The following ZNF618 variants were observed in gnomAD, a reference collection of about 807,000 sequenced individuals.
The protein encoded by ZNF618 is neural precursor cell expressed, developmentally down-regulated 10.
A neutral mutation model predicts 103.0 loss-of-function variants in ZNF618; 34 were observed. That is an observed-to-expected ratio of 0.33 (90% CI 0.25 to 0.44). The LOEUF (loss-of-function observed/expected upper bound fraction) is 0.44, where lower values mean the gene tolerates loss of function less well. ZNF618 is among the 20% of genes least tolerant of loss of function. ZNF618 has a pLI of 1.00. For missense variants in ZNF618, 1,059 were observed against 1,295.4 expected, an observed-to-expected ratio of 0.82 and a Z score of 2.80; for synonymous variants, 551 against 542.2, an observed-to-expected ratio of 1.02 and a Z score of -0.23.
intron 10 of ZNF618, among the ~76,000 whole-genome samples, chr9:114,026,300 G>A (rs79564043): frequency 0.092 from 14,005 of 152,200 alleles, 780 homozygotes; most frequent in African/African-American, 0.15. Flanking sequence ...GGTCCCAAGC[G>A]GGGTGGTCAG....
chr9:114,002,549 CT>C (rs1233344141), intron 5 of ZNF618, 74 bp from the exon 6 acceptor site: 1 of 1,509,172 alleles, frequency 6.6e-7, no homozygotes, highest in East Asian at 2.3e-5. Flanking sequence ...CTTCCATGTT[CT>C]CTTTTGCACT....
At position 113,986,754 on chromosome 9, in the gene ZNF618, G is replaced by T. The variant is rs11791928; in HGVS notation, c.78-1567G>T. The stretch of plus-strand genomic sequence containing the variant: ...AGTTCAGTCCATAGCACCTCCCCAT[G>T]GCCTTCCTCTGTCCTCTCCTCATTA... On this transcript the variant is annotated intron_variant, in intron 2 of 14. Coordinates refer to ENST00000374126, the MANE Select transcript of ZNF618 (RefSeq NM_001318042.2). Among the ~76,000 whole-genome samples the T allele has an allele frequency of 2.6e-3, 398 of 152,258 alleles. 2 individuals are homozygous for T. The highest frequency in any genetic ancestry group is 6.0e-3 in the South Asian group (29 of 4,826).
chr9:114,006,557 T>A (rs1841774857), intron 6 of ZNF618, among the ~76,000 whole-genome samples: 1 of 152,188 alleles, frequency 6.6e-6, no homozygotes, highest in South Asian at 2.1e-4. Context: ...TCATCCAAAC[T>A]CCAACCTCAT....
chr9:114,044,118 C>T (rs1845451353), intron 13 of ZNF618, among the ~76,000 whole-genome samples: 1 of 152,124 alleles, frequency 6.6e-6, no homozygotes, highest in Non-Finnish European at 1.5e-5. Flanking sequence ...AGTTCTTTGC[C>T]TAAGCTAATG....
chr9:114,049,275 T>C lies in ZNF618; in HGVS notation c.1973T>C (p.Met658Thr). 1 of 1,612,562 alleles carries C rather than the reference T, an allele frequency of 6.2e-7. No individual in the cohort carries two copies. Among genetic ancestry groups the C allele is most frequent in the Non-Finnish European group, 8.5e-7 (1 of 1,179,676 alleles). ...AAGCGGACACTGCAGGCCCGCAGCATGCACGAGGTCATCGAGCTGCTCAAC... is the reference window on the plus strand; with the variant it reads ...AAGCGGACACTGCAGGCCCGCAGCACGCACGAGGTCATCGAGCTGCTCAAC... ...LSKRTLQARS[M>T]HEVIELLNVC... is the part of the protein sequence containing the mutation. The change falls in exon 15 of 15, where the codon ATG becomes ACG. Residue 658 changes from methionine to threonine, a missense_variant. By Grantham distance (81) the Met-to-Thr change is moderately conservative. This residue lies in a region of ZNF618 where 272 missense variants were observed against 380.1 expected (regional missense o/e 0.72). Coordinates refer to ENST00000374126, the MANE Select transcript of ZNF618 (RefSeq NM_001318042.2).
intron 1 of ZNF618, among the ~76,000 whole-genome samples, chr9:113,925,572 T>G (rs1833018812): frequency 6.6e-6 from 1 of 152,090 alleles, no homozygotes; most frequent in Non-Finnish European, 1.5e-5. Flanking sequence ...TTTGTTGCCC[T>G]TGTTCTTTGT....
intron 13 of ZNF618, among the ~76,000 whole-genome samples, chr9:114,038,889 C>T (rs1323744272): frequency 6.6e-6 from 1 of 152,214 alleles, no homozygotes; most frequent in Non-Finnish European, 1.5e-5. Flanking sequence ...TATCCAATAG[C>T]ATTTGAGCTT....
rs746541860 is a variant in ZNF618 at position 114,049,477 on chromosome 9, G to C, written c.2175G>C (p.Gln725His). The change falls in exon 15 of 15, where the codon CAG becomes CAC. Residue 725 changes from glutamine to histidine, a missense_variant. Around this residue, in one of 6 missense-constraint regions of ZNF618, gnomAD observed 272 missense variants for 380.1 expected, o/e 0.72. Transcript: ENST00000374126. ...GGGCCAAGAAGATGAACCTCATCCA[G>C]AGCCTCAACAAGCACCTGCTCAGCA... ...YSRAKKMNLI[Q>H]SLNKHLLSNL... is the part of the protein sequence containing the mutation. 3 of 1,612,470 alleles carry C rather than the reference G, an allele frequency of 1.9e-6. No individual in the cohort carries two copies. The highest frequency in any genetic ancestry group is 1.7e-6 in the Non-Finnish European group (2 of 1,179,332).
At chr9:114,035,018 C>CTCTGTG (rs1358080653) in intron 12 of ZNF618, among the ~76,000 whole-genome samples, 2 of 152,214 alleles carry the variant, frequency 1.3e-5, no homozygotes, top group African/African-American at 4.8e-5. Context: ...AAGGCATGGC[C>CTCTGTG]TCTGTGTCAA....
At chr9:114,001,894 T>A in intron 4 of ZNF618, 102 bp from the exon 5 acceptor site, 1 of 1,006,914 alleles carries the variant, frequency 9.9e-7, no homozygotes, top group Non-Finnish European at 1.6e-6. Context: ...TCTCTGCCCC[T>A]GGGACAGAGA....
intron 12 of ZNF618, among the ~76,000 whole-genome samples, chr9:114,034,077 C>T (rs1844356025): frequency 6.6e-6 from 1 of 152,178 alleles, no homozygotes; most frequent in African/African-American, 2.4e-5. Flanking sequence ...CACACAGCCC[C>T]GTGGTGGTTG....
intron 1 of ZNF618, among the ~76,000 whole-genome samples, chr9:113,901,776 C>T (rs1015057132): frequency 6.6e-6 from 1 of 152,148 alleles, no homozygotes; most frequent in African/African-American, 2.4e-5. Flanking sequence ...TGTTCTCTCT[C>T]CTGCTGCCTC....
chr9:113,967,057 A>G (rs1422492267), intron 1 of ZNF618, among the ~76,000 whole-genome samples: 1 of 152,182 alleles, frequency 6.6e-6, no homozygotes, highest in Non-Finnish European at 1.5e-5. Context: ...GAGCTGGTCA[A>G]CTCTGTGTGA....
chr9:114,015,963 C>G lies in ZNF618; in HGVS notation c.755-732C>G, dbSNP rs750996707. 6 of 679,980 alleles carry G rather than the reference C, an allele frequency of 8.8e-6. No homozygotes were observed. The South Asian group carries it at 1.2e-4, about 13-fold the overall frequency. The allele number at this position is 679,980 out of a possible 1,614,324, so 42.1% of individuals were successfully genotyped here. A position where few individuals can be genotyped will look rare whatever the true frequency, so the allele number is the denominator to read the frequency against. On this transcript the variant is annotated intron_variant, in intron 9 of 14. Transcript: ENST00000374126. ...TGTTATCAGTGAGAGAAGCGCACCC[C>G]AGATGAGACAGAATGAAGAGTGGGG...
At chr9:114,032,133 C>A (rs917916793) in intron 11 of ZNF618, among the ~76,000 whole-genome samples, 1 of 152,184 alleles carries the variant, frequency 6.6e-6, no homozygotes, top group Admixed American at 6.5e-5. Flanking sequence ...TGGGGCTACC[C>A]CTGCTCTCCC....
intron 1 of ZNF618, among the ~76,000 whole-genome samples, chr9:113,954,487 A>G (rs903236584): frequency 1.3e-5 from 2 of 152,180 alleles, no homozygotes; most frequent in African/African-American, 4.8e-5. Flanking sequence ...GAGTTCTTTA[A>G]ACTCCAAGCT....
chr9:113,975,970 G>A (rs557448643), intron 2 of ZNF618, among the ~76,000 whole-genome samples: 78 of 152,240 alleles, frequency 5.1e-4, no homozygotes, highest in Non-Finnish European at 7.9e-4. Flanking sequence ...GGTTGAATGG[G>A]GGCCCATGTA....
intron 1 of ZNF618, among the ~76,000 whole-genome samples, chr9:113,908,354 G>A (rs192636994): frequency 6.6e-6 from 1 of 152,262 alleles, no homozygotes; most frequent in Non-Finnish European, 1.5e-5. Flanking sequence ...TTAAAAAAAT[G>A]GAGGAGGGAG....
intron 10 of ZNF618, among the ~76,000 whole-genome samples, chr9:114,023,516 G>T (rs1481252526): frequency 6.6e-6 from 1 of 152,092 alleles, no homozygotes; most frequent in African/African-American, 2.4e-5. Flanking sequence ...AAGTAACTGA[G>T]AAATTAGAAA....
Sources: gnomAD v4.1 joint callset for allele counts (sites outside exome capture counted in the v4.1 genomes callset) on GRCh38, gnomAD v4.1.1 for gene constraint, gnomAD v4.1.1 regional missense constraint, MANE v1.5 for transcripts, NCBI Gene and HGNC (gene_info 2026-07-23, HGNC 2026-07-21) for gene names.